ZNF804B: variants seen among roughly 807,000 people sequenced by gnomAD.
ZNF804B encodes zinc finger 804B.
ZNF804B carries 80 observed loss-of-function variants against 101.4 expected under a neutral mutation model. The ratio of observed to expected loss-of-function variants is 0.79; its 90% CI spans 0.66 to 0.95. The LOEUF is 0.95. Ranked by LOEUF, ZNF804B falls within the 40% of genes least tolerant of loss-of-function variation. ZNF804B has a pLI of 0.00. For synonymous variants in ZNF804B, 622 were observed against 558.8 expected, an observed-to-expected ratio of 1.11 and a Z score of -1.59; for missense variants, 1,673 against 1,561.9, an observed-to-expected ratio of 1.07 and a Z score of -1.20.
intron 1 of ZNF804B, among the ~76,000 whole-genome samples, chr7:88,948,456 C>T (rs1175510081): frequency 6.6e-6 from 1 of 151,550 alleles, no homozygotes; most frequent in Admixed American, 6.6e-5. Context: ...CTTAAAGTCC[C>T]TTTATGAAAG....
chr7:88,796,482 C>T (rs1790487191), intron 1 of ZNF804B, among the ~76,000 whole-genome samples: 1 of 152,056 alleles, frequency 6.6e-6, no homozygotes, highest in African/African-American at 2.4e-5. Context: ...TGTCATTGCC[C>T]AGTCTAGTTA....
Position 88,793,259 on chromosome 7 carries a change from C to T in ZNF804B, c.108+33175C>T, listed in dbSNP as rs28478809. Among the ~76,000 whole-genome samples, 313 of 152,036 alleles carry T rather than the reference C, an allele frequency of 2.1e-3. 2 individuals are homozygous for T. The highest frequency in any genetic ancestry group is 7.3e-3 in the African/African-American group (303 of 41,516). ...AAGAAGGGATCAACTTGAAATTGGT[C>T]ACATAGAAATTATATATAATTAGTT... On this transcript the variant is annotated intron_variant, in intron 1 of 3. Transcript: ENST00000333190.
chr7:89,232,001 C>A (rs1025474176), intron 2 of ZNF804B, among the ~76,000 whole-genome samples: 2 of 151,992 alleles, frequency 1.3e-5, no homozygotes, highest in Admixed American at 1.3e-4. Context: ...TGTTCTGAAT[C>A]GTAGGTAGAG....
chr7:88,882,290 C>T (rs1167955144), intron 1 of ZNF804B, among the ~76,000 whole-genome samples: 1 of 152,086 alleles, frequency 6.6e-6, no homozygotes, highest in Non-Finnish European at 1.5e-5. Flanking sequence ...CGTCAGTAAT[C>T]ATCAGAGAAA....
At chr7:89,278,617 C>T (rs1272991936) in intron 2 of ZNF804B, among the ~76,000 whole-genome samples, 2 of 151,878 alleles carry the variant, frequency 1.3e-5, no homozygotes, top group African/African-American at 4.8e-5. Flanking sequence ...AATCCTTTCC[C>T]CATTGCTTGT....
At chr7:89,041,144 A>T (rs752983709) in intron 1 of ZNF804B, among the ~76,000 whole-genome samples, 20 of 152,030 alleles carry the variant, frequency 1.3e-4, no homozygotes, top group Non-Finnish European at 2.4e-4. Flanking sequence ...ATGAGGACTA[A>T]CCTCACACTG....
chr7:89,187,969 C>G (rs17167367), intron 1 of ZNF804B, among the ~76,000 whole-genome samples: 2,331 of 152,198 alleles, frequency 0.015, 49 homozygotes, highest in East Asian at 0.034. Flanking sequence ...GATCTCCTAC[C>G]TGAAAACAGG....
chr7:89,213,790 G>A (rs958826601), intron 1 of ZNF804B, among the ~76,000 whole-genome samples: 2 of 149,338 alleles, frequency 1.3e-5, no homozygotes, highest in Non-Finnish European at 3.0e-5. Context: ...AAACATGTTT[G>A]TGCCTTATTT....
intron 1 of ZNF804B, among the ~76,000 whole-genome samples, chr7:88,904,714 G>A (rs1792442490): frequency 6.6e-6 from 1 of 151,928 alleles, no homozygotes; most frequent in Non-Finnish European, 1.5e-5. Flanking sequence ...TTTTGCTATT[G>A]TAAATGGGAT....
intron 1 of ZNF804B, among the ~76,000 whole-genome samples, chr7:88,896,962 T>G (rs541562321): frequency 6.6e-6 from 1 of 152,332 alleles, no homozygotes; most frequent in East Asian, 1.9e-4. Flanking sequence ...TATGAGTTAA[T>G]CACAAGTTGA....
intron 1 of ZNF804B, among the ~76,000 whole-genome samples, chr7:89,089,047 C>CT (rs71297109): frequency 0.082 from 12,016 of 145,876 alleles, 1,089 homozygotes; most frequent in African/African-American, 0.23. Context: ...CCTTTTTTTC[C>CT]TTTTTTTTTC....
intron 1 of ZNF804B, among the ~76,000 whole-genome samples, chr7:89,085,903 A>C (rs926172989): frequency 1.3e-5 from 2 of 151,986 alleles, no homozygotes; most frequent in South Asian, 4.1e-4. Context: ...AATATAATAG[A>C]GTGATATTTA....
chr7:89,048,495 G>A (rs1012845428), intron 1 of ZNF804B, among the ~76,000 whole-genome samples: 1 of 151,734 alleles, frequency 6.6e-6, no homozygotes, highest in African/African-American at 2.4e-5. Flanking sequence ...CCAAGAGATG[G>A]TCTGTTCAGT....
intron 1 of ZNF804B, among the ~76,000 whole-genome samples, chr7:88,928,973 A>C (rs75345508): frequency 0.034 from 5,162 of 152,200 alleles, 104 homozygotes; most frequent in East Asian, 0.05. Flanking sequence ...ATTGTGGCTC[A>C]ATAAATAAAG....
In ZNF804B at chr7:89,336,743, C is replaced by A; in HGVS notation, c.3761C>A (p.Thr1254Asn). ...SPISFSTLTP[T>N]IIPAHPTFLA... ...ATTTCATTTTCGACTCTGACTCCAA[C>A]CATTATCCCTGCACACCCCACTTTC... The change falls in exon 4 of 4, where the codon ACC becomes AAC. Residue 1254 changes from threonine to asparagine, a missense_variant. By Grantham distance (65) the Thr-to-Asn change is moderately conservative. Coordinates refer to ENST00000333190, the MANE Select transcript of ZNF804B (RefSeq NM_181646.5). The A allele has an allele frequency of 6.2e-7, 1 of 1,614,120 alleles. No individual in the cohort carries two copies. Among genetic ancestry groups the A allele is most frequent in the East Asian group, 2.2e-5 (1 of 44,874 alleles).
At position 89,189,453 on chromosome 7, in the gene ZNF804B, T is replaced by G. The variant is rs959329021; in HGVS notation, c.109-28702T>G. Among the ~76,000 whole-genome samples, 12 of 152,212 alleles carry G rather than the reference T, an allele frequency of 7.9e-5. No individual in the cohort carries two copies. In the East Asian group the frequency reaches 2.3e-3, roughly 29 times the overall value. The stretch of plus-strand genomic sequence containing the variant: ...TCGGAAGCCTCGATCCAAGTAACCT[T>G]GTGGTATGAGCCCCATTTGGCCTTT... On this transcript the variant is annotated intron_variant, in intron 1 of 3. Transcript: ENST00000333190.
At chr7:89,004,990 T>G (rs1301195334) in intron 1 of ZNF804B, among the ~76,000 whole-genome samples, 1 of 151,976 alleles carries the variant, frequency 6.6e-6, no homozygotes, top group Non-Finnish European at 1.5e-5. Flanking sequence ...GTTTAGGCCT[T>G]CACCACTCAT....
intron 1 of ZNF804B, among the ~76,000 whole-genome samples, chr7:89,138,211 G>T (rs6961284): frequency 2.0e-5 from 3 of 151,878 alleles, no homozygotes; most frequent in South Asian, 2.1e-4. Context: ...CAGAGCCCCC[G>T]CACACAGAGT....
chr7:88,957,174 C>T (rs559588240), intron 1 of ZNF804B, among the ~76,000 whole-genome samples: 5 of 151,514 alleles, frequency 3.3e-5, no homozygotes, highest in South Asian at 2.1e-4. Context: ...GCCCCTTTGG[C>T]GCTTTATGTT....
Sources: allele counts gnomAD v4.1 joint callset (sites outside exome capture counted in the v4.1 genomes callset), GRCh38; gene constraint gnomAD v4.1.1; transcripts MANE v1.5; gene names NCBI Gene and HGNC (gene_info 2026-07-23, HGNC 2026-07-21).